The following SLC1A5 variants were observed in gnomAD, a reference collection of about 807,000 sequenced individuals.
The protein encoded by SLC1A5 is solute carrier family 1 member 5.
Under a neutral mutation model 34.9 loss-of-function variants are expected in SLC1A5, and 25 were observed. The observed-to-expected ratio is 0.72, with a 90% CI of 0.52 to 1.00. SLC1A5 has a LOEUF of 1.00. Ranked by LOEUF, SLC1A5 falls within the 50% of genes least tolerant of loss-of-function variation. The pLI is 0.00. For synonymous variants in SLC1A5, 351 were observed against 341.2 expected (o/e 1.03, Z -0.32); for missense variants, 637 against 740.0 (o/e 0.86, Z 1.61).
At chr19:46,778,650 A>AATCCCCC in intron 5 of SLC1A5, 25 bp downstream of exon 5, 1 of 641,692 alleles carries the variant, frequency 1.6e-6, no homozygotes, top group Non-Finnish European at 2.9e-6. Flanking sequence ...TAAACATCCC[A>AATCCCCC]CCCTAGCCCA....
intron 3 of SLC1A5, 112 bp downstream of exon 3, chr19:46,783,985 G>A: frequency 1.3e-6 from 1 of 790,540 alleles, no homozygotes; most frequent in Non-Finnish European, 2.2e-6. Context: ...ATTGGGGAAG[G>A]ACTGCAGAGT....
chr19:46,776,933 G>A, intron 7 of SLC1A5, 42 bp downstream of exon 7: 1 of 1,592,744 alleles, frequency 6.3e-7, no homozygotes, highest in Non-Finnish European at 8.6e-7. Context: ...TCTTTCCCAG[G>A]GGTACCCCTG....
chr19:46,782,405 C>G lies in SLC1A5; in HGVS notation c.802G>C (p.Val268Leu), dbSNP rs2055153816. ...FFNSFNEATM[V>L]LVSWIMWYAP... ...TACCACATGATCCAGGAGACCAGAA[C>G]CATGGTGGCCTCATTGAAGGAGTTG... Residue 268 changes from valine (V) to leucine (L), a missense_variant, in exon 4 of 8, where the codon GTT becomes CTT. Val to Leu is a conservative substitution (Grantham distance 32). Transcript: ENST00000542575. 1 of 1,373,720 alleles carries G rather than the reference C, an allele frequency of 7.3e-7. No homozygotes were observed. Among genetic ancestry groups the G allele is most frequent in the Non-Finnish European group, 9.7e-7 (1 of 1,035,542 alleles). 85.1% of individuals were successfully genotyped at this position (1,373,720 alleles called of 1,614,324 possible). A position where few individuals can be genotyped will look rare whatever the true frequency, so the allele number is the denominator to read the frequency against.
intron 5 of SLC1A5, 79 bp downstream of exon 5, chr19:46,778,596 C>T: frequency 2.0e-6 from 2 of 1,020,074 alleles, no homozygotes. Flanking sequence ...GATACAATGT[C>T]CCGGGCAGAG....
intron 7 of SLC1A5, chr19:46,776,762 C>T: frequency 1.8e-6 from 1 of 555,642 alleles, no homozygotes; most frequent in South Asian, 2.2e-5. Flanking sequence ...GCTGTATTCA[C>T]CACACAGACG....
intron 5 of SLC1A5, 60 bp downstream of exon 5, chr19:46,778,615 A>G: frequency 7.9e-7 from 1 of 1,257,898 alleles, no homozygotes. Context: ...AGAAAATTTC[A>G]TCCGCTCCAT....
chr19:46,787,161 C>T lies in SLC1A5; in HGVS notation c.566+239G>A. Reference sequence around the variant, plus strand: ...CTCCTATGTCTCCCCAAATCACTTTCTTCTCCCTCTATAAGACCCCACTTA... The same window carrying T: ...CTCCTATGTCTCCCCAAATCACTTTTTTCTCCCTCTATAAGACCCCACTTA... On this transcript the variant is annotated intron_variant, in intron 1 of 7. Transcript: ENST00000542575. The surrounding 1 kb of genome is among the most constrained non-coding windows in gnomAD (Gnocchi z 5.2). 8.1e-7 allele frequency: 1 copy of T among 1,233,166 alleles called. No individual in the cohort carries two copies. Among genetic ancestry groups the T allele is most frequent in the South Asian group, 1.9e-5 (1 of 53,964 alleles). 76.4% of individuals were successfully genotyped at this position (1,233,166 alleles called of 1,614,324 possible).
chr19:46,779,720 C>A (rs531077234), intron 4 of SLC1A5, among the ~76,000 whole-genome samples: 1 of 151,312 alleles, frequency 6.6e-6, no homozygotes, highest in Non-Finnish European at 1.5e-5. Flanking sequence ...GGCAACACAG[C>A]GAGACCCAGT....
intron 5 of SLC1A5, among the ~76,000 whole-genome samples, chr19:46,777,807 C>G (rs79296606): frequency 4.7e-5 from 7 of 149,928 alleles, no homozygotes; most frequent in African/African-American, 1.2e-4. Flanking sequence ...CTAACCTAGA[C>G]CCCCCTTCCC....
chr19:46,775,492 G>A lies in SLC1A5; in HGVS notation c.*18C>T, dbSNP rs748169342. On this transcript the variant is annotated 3_prime_UTR_variant, in exon 8 of 8. Transcript: ENST00000542575. ...CAAAGAGCACCCCCAGCAGGGCAGG[G>A]AAGGTCCCTCCCGGGGTTTACATGA... 8 of 1,591,744 alleles carry A rather than the reference G, an allele frequency of 5.0e-6. No homozygotes were observed. The highest frequency in any genetic ancestry group is 1.7e-5 in the Admixed American group (1 of 58,180).
At chr19:46,782,346 A>ACCCCCCCCCCCCCCACC in intron 4 of SLC1A5, 37 bp downstream of exon 4, 1 of 567,986 alleles carries the variant, frequency 1.8e-6, no homozygotes, top group Non-Finnish European at 3.2e-6. Context: ...CGACCCTCCA[A>ACCCCCCCCCCCCCCACC]CCCCACCCAC....
rs1171245140 is a variant in SLC1A5 at position 46,782,539 on chromosome 19, C to T, written c.668G>A (p.Gly223Glu). 2.5e-6 allele frequency: 4 copies of T among 1,613,914 alleles called. No homozygotes were observed. The Admixed American group carries it at 6.7e-5, about 27-fold the overall frequency. Residue 223 changes from glycine (G) to glutamate (E), a missense_variant, in exon 4 of 8, where the codon GGG becomes GAG. Gly to Glu is a moderately conservative substitution (Grantham distance 98, BLOSUM62 -2). Transcript: ENST00000542575. ...ITGTRVKVPV[G>E]QEVEGMNILG... ...GATGTTCATCCCCTCCACCTCCTGC[C>T]CCACGGGCACCTGTGGGCAAGGAAC...
Position 46,782,374 on chromosome 19 carries a change from A to AAC in SLC1A5, c.824+8_824+9insGT. On this transcript the variant is annotated intron_variant, in intron 4 of 7. Coordinates refer to ENST00000542575, the MANE Select transcript of SLC1A5 (RefSeq NM_005628.3). The stretch of plus-strand genomic sequence containing the variant: ...CCACCCACCCCCAGCCTCCTCTCCC[A>AAC]CCACCTACCACATGATCCAGGAGAC... The AAC allele has an allele frequency of 8.3e-6, 2 of 240,370 alleles. No homozygotes were observed. The highest frequency in any genetic ancestry group is 1.4e-5 in the Non-Finnish European group (2 of 143,392). The allele number at this position is 240,370 out of a possible 1,614,324, so 14.9% of individuals were successfully genotyped here.
chr19:46,779,673 G>A lies in SLC1A5; in HGVS notation c.825-765C>T, dbSNP rs190316866. On this transcript the variant is annotated intron_variant, in intron 4 of 7. Coordinates refer to ENST00000542575, the MANE Select transcript of SLC1A5 (RefSeq NM_005628.3). ...AGCACTTTAGGAGGTGAAAGCAGGAGGATTACTTGAGGCCAGGAGTTCTCG... is the reference window on the plus strand; with the variant it reads ...AGCACTTTAGGAGGTGAAAGCAGGAAGATTACTTGAGGCCAGGAGTTCTCG... Among the ~76,000 whole-genome samples, 281 of 152,176 alleles carry A rather than the reference G, an allele frequency of 1.8e-3. 1 individual carries two copies. Among genetic ancestry groups the A allele is most frequent in the Admixed American group, 6.8e-3 (104 of 15,238 alleles).
intron 4 of SLC1A5, among the ~76,000 whole-genome samples, chr19:46,780,342 C>T (rs1181093871): frequency 6.6e-6 from 1 of 151,732 alleles, no homozygotes; most frequent in Non-Finnish European, 1.5e-5. Flanking sequence ...GTTCAAAAAA[C>T]GTTTTTTTAA....
chr19:46,779,329 C>T (rs181223137), intron 4 of SLC1A5, among the ~76,000 whole-genome samples: 2 of 148,574 alleles, frequency 1.3e-5, no homozygotes, highest in Non-Finnish European at 3.0e-5. Context: ...GAGGCTCAGG[C>T]AGGAGAATTG....
In SLC1A5 at chr19:46,787,450, G is replaced by C; in HGVS notation, c.516C>G (p.Ala172=). 1.2e-6 allele frequency: 2 copies of C among 1,600,522 alleles called. No homozygotes were observed. Among genetic ancestry groups the C allele is most frequent in the South Asian group, 2.3e-5 (2 of 88,764 alleles). Residue 172 remains alanine, a synonymous_variant, in exon 1 of 8, where the codon GCC becomes GCG. Coordinates refer to ENST00000542575, the MANE Select transcript of SLC1A5 (RefSeq NM_005628.3). The surrounding 1 kb of genome is among the most constrained non-coding windows in gnomAD (Gnocchi z 5.2). The part of the protein sequence containing the change: ...INASVGAAGS[A]ENAPSKEVLD... ...GCACCTCCTTGCTGGGGGCATTTTC[G>C]GCACTGCCCGCGGCTCCCACGGAGG... is the stretch of plus-strand genomic sequence containing the variant.
At chr19:46,784,675 A>G (rs760285134) in intron 1 of SLC1A5, 116 bp from the exon 2 acceptor site, 1 of 1,603,716 alleles carries the variant, frequency 6.2e-7, no homozygotes, top group East Asian at 2.2e-5. Flanking sequence ...GCCCGCCTGC[A>G]CGCAAATACA....
Position 46,775,504 on chromosome 19 carries a change from C to A in SLC1A5, c.*6G>T, listed in dbSNP as rs749445334. The A allele has an allele frequency of 6.2e-7, 1 of 1,600,850 alleles. No individual in the cohort carries two copies. The highest frequency in any genetic ancestry group is 8.5e-7 in the Non-Finnish European group (1 of 1,173,416). Reference sequence around the variant, plus strand: ...CCAGCAGGGCAGGGAAGGTCCCTCCCGGGGTTTACATGACTGATTCCTTCT... The same window carrying A: ...CCAGCAGGGCAGGGAAGGTCCCTCCAGGGGTTTACATGACTGATTCCTTCT... On this transcript the variant is annotated 3_prime_UTR_variant, in exon 8 of 8. Transcript: ENST00000542575.
Sources: allele counts gnomAD v4.1 joint callset (sites outside exome capture counted in the v4.1 genomes callset), GRCh38; gene constraint gnomAD v4.1.1; non-coding constraint Gnocchi (gnomAD v3.1); transcripts MANE v1.5; gene names NCBI Gene and HGNC (gene_info 2026-07-23, HGNC 2026-07-21).